Variants in EPHA6 observed in about 807,000 individuals in gnomAD.
EPHA6 encodes EPH receptor A6, also known as ephrin type-A receptor 6.
Under a neutral mutation model 112.0 loss-of-function variants are expected in EPHA6, and 50 were observed. The ratio of observed to expected loss-of-function variants is 0.45; its 90% confidence interval spans 0.36 to 0.56. EPHA6 has a LOEUF of 0.56. EPHA6 is among the 20% of genes least tolerant of loss of function. The pLI is 0.00. For missense variants in EPHA6, 1,280 were observed against 1,417.4 expected (o/e 0.90, Z 1.56); for synonymous variants, 529 against 490.7 (o/e 1.08, Z -1.03).
At chr3:97,695,774 C>T (rs373873296) in intron 14 of EPHA6, among the ~76,000 whole-genome samples, 62 of 152,228 alleles carry the variant, frequency 4.1e-4, no homozygotes, top group South Asian at 3.1e-3. Flanking sequence ...CTCTTGACCT[C>T]GTGATCCACA....
intron 5 of EPHA6, among the ~76,000 whole-genome samples, chr3:97,282,918 A>G (rs754352809): frequency 2.6e-5 from 4 of 152,208 alleles, no homozygotes; most frequent in Non-Finnish European, 5.9e-5. Context: ...TGATAGGTAC[A>G]GCAAACCACC....
At chr3:97,278,673 C>G (rs2080180716) in intron 5 of EPHA6, among the ~76,000 whole-genome samples, 1 of 152,186 alleles carries the variant, frequency 6.6e-6, no homozygotes, top group African/African-American at 2.4e-5. Flanking sequence ...AAAAACAACA[C>G]AGTTAAGCAC....
intron 14 of EPHA6, among the ~76,000 whole-genome samples, chr3:97,695,264 A>AACTCATGTAT (rs1203413055): frequency 1.3e-5 from 2 of 152,198 alleles, no homozygotes; most frequent in Non-Finnish European, 2.9e-5. Flanking sequence ...CCAGTGCCAG[A>AACTCATGTAT]ACTCATGTAT....
intron 12 of EPHA6, among the ~76,000 whole-genome samples, chr3:97,599,885 C>T (rs1264321071): frequency 6.6e-6 from 1 of 152,172 alleles, no homozygotes; most frequent in East Asian, 1.9e-4. Flanking sequence ...GATATTGATT[C>T]TTCCTACCCA....
intron 5 of EPHA6, among the ~76,000 whole-genome samples, chr3:97,363,179 T>A (rs2084475340): frequency 9.8e-4 from 1 of 1,022 alleles, no homozygotes; most frequent in Non-Finnish European, 2.8e-3. Flanking sequence ...GCAATATATA[T>A]ATATATATAT....
intron 5 of EPHA6, among the ~76,000 whole-genome samples, chr3:97,266,492 G>A (rs2079688883): frequency 6.6e-6 from 1 of 150,654 alleles, no homozygotes; most frequent in Non-Finnish European, 1.5e-5. Context: ...TTAAAAAAAA[G>A]AAAATAAAAT....
chr3:97,141,375 A>T (rs1453234620), intron 3 of EPHA6, among the ~76,000 whole-genome samples: 1 of 152,118 alleles, frequency 6.6e-6, no homozygotes, highest in Non-Finnish European at 1.5e-5. Context: ...GCCGCAGAAT[A>T]TACGTTTTTC....
chr3:97,104,453 A>G (rs959782702), intron 3 of EPHA6, among the ~76,000 whole-genome samples: 3 of 151,896 alleles, frequency 2.0e-5, no homozygotes, highest in African/African-American at 7.3e-5. Context: ...ATATTTATTT[A>G]TTTTCGTATG....
intron 14 of EPHA6, among the ~76,000 whole-genome samples, chr3:97,683,548 TAC>T (rs1406484645): frequency 6.6e-6 from 1 of 152,196 alleles, no homozygotes; most frequent in African/African-American, 2.4e-5. Context: ...CTTACAATTT[TAC>T]AGAGAGGAGA....
chr3:97,558,765 A>C (rs1483727158), intron 11 of EPHA6, among the ~76,000 whole-genome samples: 4 of 151,926 alleles, frequency 2.6e-5, no homozygotes, highest in African/African-American at 9.7e-5. Context: ...GATATATGTT[A>C]AATAAAAATA....
intron 6 of EPHA6, among the ~76,000 whole-genome samples, chr3:97,441,901 T>C (rs1350797501): frequency 6.6e-6 from 1 of 152,132 alleles, no homozygotes. Context: ...ATTTATTTCA[T>C]TCAACCTTTA....
intron 14 of EPHA6, among the ~76,000 whole-genome samples, chr3:97,659,906 T>C (rs2094159147): frequency 6.6e-6 from 1 of 151,992 alleles, no homozygotes; most frequent in Admixed American, 6.6e-5. Flanking sequence ...ACCATTACAG[T>C]TTATTTAAGT....
At chr3:97,307,503 T>G (rs926340458) in intron 5 of EPHA6, among the ~76,000 whole-genome samples, 12 of 151,728 alleles carry the variant, frequency 7.9e-5, no homozygotes, top group African/African-American at 2.7e-4. Context: ...ATACATAAAT[T>G]TACCTGTACT....
intron 3 of EPHA6, among the ~76,000 whole-genome samples, chr3:97,145,126 AT>A (rs1000209334): frequency 1.6e-4 from 25 of 151,590 alleles, no homozygotes; most frequent in African/African-American, 5.3e-4. Context: ...AGTAAAAAAA[AT>A]CCCTTTAACT....
chr3:97,286,561 C>A lies in EPHA6; in HGVS notation c.1606+42274C>A, dbSNP rs183647735. On this transcript the variant is annotated intron_variant, in intron 5 of 17. Coordinates refer to ENST00000389672, the MANE Select transcript of EPHA6 (RefSeq NM_001080448.3). ...AGGTGGTTGCAAATAGGTGAACTTA[C>A]TTCTAGGTTCTTTATTCCATTCCAT... 1.4e-4 allele frequency among the ~76,000 whole-genome samples: 22 copies of A among 152,200 alleles called. No individual in the cohort carries two copies. The East Asian group carries it at 4.2e-3, about 29-fold the overall frequency.
chr3:97,180,128 C>T (rs2076948281), intron 3 of EPHA6, among the ~76,000 whole-genome samples: 1 of 152,038 alleles, frequency 6.6e-6, no homozygotes, highest in South Asian at 2.1e-4. Context: ...CCCACTCTTC[C>T]CTCCCCTTTT....
At chr3:97,081,958 T>A (rs1220348526) in intron 3 of EPHA6, among the ~76,000 whole-genome samples, 1 of 151,704 alleles carries the variant, frequency 6.6e-6, no homozygotes, top group Non-Finnish European at 1.5e-5. Flanking sequence ...ATATTATGTG[T>A]TAATCTTTGT....
rs555954370 is a variant in EPHA6 at position 97,675,336 on chromosome 3, C to A, written c.2784+37254C>A. Reference sequence around the variant, plus strand: ...TCTACTAAAAATACAAAAAATTAGCCAGGCGGGGTGGTGGGTGCCTGTAAT... The same window carrying A: ...TCTACTAAAAATACAAAAAATTAGCAAGGCGGGGTGGTGGGTGCCTGTAAT... On this transcript the variant is annotated intron_variant, in intron 14 of 17. Transcript: ENST00000389672. Among the ~76,000 whole-genome samples, 9 of 152,002 alleles carry A rather than the reference C, an allele frequency of 5.9e-5. No individual in the cohort carries two copies. The South Asian group carries it at 1.9e-3, about 32-fold the overall frequency.
At chr3:96,996,332 A>AT (rs1278303154) in intron 3 of EPHA6, among the ~76,000 whole-genome samples, 3 of 151,752 alleles carry the variant, frequency 2.0e-5, no homozygotes, top group Admixed American at 6.6e-5. Context: ...GTGATTGTTG[A>AT]TTTTTTTTAC....
Sources: allele counts gnomAD v4.1 joint callset (sites outside exome capture counted in the v4.1 genomes callset), GRCh38; gene constraint gnomAD v4.1.1; transcripts MANE v1.5; gene names NCBI Gene and HGNC (gene_info 2026-07-23, HGNC 2026-07-21).